LYPD6B: variants seen among roughly 807,000 people sequenced by gnomAD.
The protein encoded by LYPD6B is ly6/PLAUR domain-containing protein 6B.
A neutral mutation model predicts 22.8 loss-of-function variants in LYPD6B; 17 were observed. That is an observed-to-expected ratio of 0.75 (90% CI 0.51 to 1.12). The LOEUF (loss-of-function observed/expected upper bound fraction) is 1.12. LYPD6B is among the 50% of genes most tolerant of loss of function. The pLI is 0.00. For missense variants in LYPD6B, 221 were observed against 258.3 expected, an observed-to-expected ratio of 0.86 and a Z score of 0.99; for synonymous variants, 106 against 91.6, an observed-to-expected ratio of 1.16 and a Z score of -0.90.
intron 1 of LYPD6B, among the ~76,000 whole-genome samples, chr2:149,050,706 G>A (rs953932786): frequency 6.6e-6 from 1 of 152,088 alleles, no homozygotes; most frequent in African/African-American, 2.4e-5. Flanking sequence ...TTTGGAGCTG[G>A]GATTGTAGTT....
chr2:149,078,691 G>T (rs1409820602), intron 1 of LYPD6B, among the ~76,000 whole-genome samples: 1 of 152,102 alleles, frequency 6.6e-6, no homozygotes, highest in East Asian at 1.9e-4. Context: ...TGCTTATGAG[G>T]CACCTAATTT....
intron 2 of LYPD6B, among the ~76,000 whole-genome samples, chr2:149,153,764 A>C (rs2105842617): frequency 6.6e-6 from 1 of 151,296 alleles, no homozygotes. Context: ...ACAGAGTGAG[A>C]CTCTGTCTCA....
intron 1 of LYPD6B, among the ~76,000 whole-genome samples, chr2:149,055,261 TTGTTGGCAGTACCA>T (rs1683738755): frequency 6.6e-6 from 1 of 152,242 alleles, no homozygotes; most frequent in South Asian, 2.1e-4. Flanking sequence ...GCATCTGTCC[TTGTTGGCAGTACCA>T]CAAAATATTG....
intron 1 of LYPD6B, among the ~76,000 whole-genome samples, chr2:149,064,446 T>C (rs1017984182): frequency 2.0e-5 from 3 of 152,228 alleles, no homozygotes; most frequent in Non-Finnish European, 4.4e-5. Context: ...TTTGACAACA[T>C]GTCACCAGTT....
intron 1 of LYPD6B, among the ~76,000 whole-genome samples, chr2:149,113,317 T>A (rs1686850938): frequency 1.3e-5 from 2 of 152,182 alleles, no homozygotes; most frequent in Non-Finnish European, 2.9e-5. Flanking sequence ...GGATGTGGAA[T>A]GCTTAAAAGT....
intron 1 of LYPD6B, chr2:149,068,704 A>G: frequency 3.6e-6 from 2 of 551,292 alleles, no homozygotes; most frequent in Non-Finnish European, 7.2e-6. Context: ...ATTTGACTTC[A>G]CACTCTGAAG....
rs144898550 is a variant in LYPD6B, at chr2:149,214,451, A to G, written c.460-95A>G. 1.7e-5 allele frequency: 22 copies of G among 1,322,568 alleles called. No homozygotes were observed. The East Asian group carries it at 3.3e-4, about 20-fold the overall frequency. The allele number at this position is 1,322,568 out of a possible 1,614,324, so 81.9% of individuals were successfully genotyped here. A position where few individuals can be genotyped will look rare whatever the true frequency, so the allele number is the denominator to read the frequency against. On this transcript the variant is annotated intron_variant, in intron 6 of 6. Coordinates refer to ENST00000409642, the MANE Select transcript of LYPD6B (RefSeq NM_177964.5). Reference sequence around the variant, plus strand: ...ACCAACTCCAATTGTCTGTCTTCAGATAGAGCTCAAGAAGCCTTTGTTTTA... The same window carrying G: ...ACCAACTCCAATTGTCTGTCTTCAGGTAGAGCTCAAGAAGCCTTTGTTTTA...
chr2:149,116,019 G>A (rs1315373722), intron 1 of LYPD6B, among the ~76,000 whole-genome samples: 1 of 152,120 alleles, frequency 6.6e-6, no homozygotes, highest in Non-Finnish European at 1.5e-5. Context: ...TTGTGTTCAA[G>A]TTAACAGTAG....
At chr2:149,130,514 A>C (rs1687960380) in intron 1 of LYPD6B, among the ~76,000 whole-genome samples, 1 of 152,232 alleles carries the variant, frequency 6.6e-6, no homozygotes, top group African/African-American at 2.4e-5. Context: ...GTTCACAACC[A>C]AAAACTTCTG....
rs1373175709 is a variant in LYPD6B at position 149,089,125 on chromosome 2, A to G, written c.-66-41758A>G. Among the ~76,000 whole-genome samples, 37 of 152,224 alleles carry G rather than the reference A, an allele frequency of 2.4e-4. 1 individual carries two copies. Among genetic ancestry groups the G allele is most frequent in the Admixed American group, 2.4e-3 (37 of 15,280 alleles). On this transcript the variant is annotated intron_variant, in intron 1 of 6. Transcript: ENST00000409642. ...TGTACTATAGATGAATTTGTGTGCA[A>G]GTTCAGACTTCTGTGAATGTTATTT...
At chr2:149,061,041 G>A (rs1684054520) in intron 1 of LYPD6B, among the ~76,000 whole-genome samples, 1 of 152,168 alleles carries the variant, frequency 6.6e-6, no homozygotes, top group Admixed American at 6.5e-5. Context: ...TGAGAGAGAA[G>A]GGAAAATATG....
At chr2:149,046,524 G>GT (rs200188611) in intron 1 of LYPD6B, among the ~76,000 whole-genome samples, 2,185 of 150,068 alleles carry the variant, frequency 0.015, 31 homozygotes, top group Non-Finnish European at 0.021. Flanking sequence ...TGTTTATTTT[G>GT]TTTTTTGAGA....
At chr2:149,073,937 A>G (rs1188281069) in intron 1 of LYPD6B, among the ~76,000 whole-genome samples, 3 of 152,140 alleles carry the variant, frequency 2.0e-5, no homozygotes, top group Non-Finnish European at 4.4e-5. Context: ...GAAGGAGGAC[A>G]GAAGTGATGG....
intron 1 of LYPD6B, among the ~76,000 whole-genome samples, chr2:149,112,011 G>C (rs2105540057): frequency 6.6e-6 from 1 of 152,316 alleles, no homozygotes. Flanking sequence ...TGACAATGTG[G>C]AAGACATTGG....
At chr2:149,103,927 C>T (rs1686341334) in intron 1 of LYPD6B, among the ~76,000 whole-genome samples, 1 of 151,818 alleles carries the variant, frequency 6.6e-6, no homozygotes. Flanking sequence ...CAGGCTCATG[C>T]TGCCACACCC....
chr2:149,053,133 A>G (rs1351660037), intron 1 of LYPD6B, among the ~76,000 whole-genome samples: 1 of 152,240 alleles, frequency 6.6e-6, no homozygotes, highest in Non-Finnish European at 1.5e-5. Flanking sequence ...TATGATTTCT[A>G]TAATATGGAG....
chr2:149,173,538 C>T (rs901316126), intron 3 of LYPD6B, among the ~76,000 whole-genome samples: 8 of 152,050 alleles, frequency 5.3e-5, no homozygotes, highest in African/African-American at 1.9e-4. Context: ...ACTATTAGCA[C>T]ATTTAGGGTT....
chr2:149,154,554 A>G (rs568663745), intron 2 of LYPD6B, among the ~76,000 whole-genome samples: 1 of 152,318 alleles, frequency 6.6e-6, no homozygotes, highest in Admixed American at 6.5e-5. Context: ...TTAAACATAC[A>G]GCACAAGAAT....
intron 1 of LYPD6B, among the ~76,000 whole-genome samples, chr2:149,081,390 C>T (rs1221945630): frequency 6.6e-6 from 1 of 152,158 alleles, no homozygotes; most frequent in Non-Finnish European, 1.5e-5. Flanking sequence ...TCAGAGTTCT[C>T]TTGGTGTAGG....
Sources: gnomAD v4.1 joint callset for allele counts (sites outside exome capture counted in the v4.1 genomes callset) on GRCh38, gnomAD v4.1.1 for gene constraint, MANE v1.5 for transcripts, NCBI Gene and HGNC (gene_info 2026-07-23, HGNC 2026-07-21) for gene names.